Variants in ZFAND3 observed in about 807,000 individuals in gnomAD.
The protein encoded by ZFAND3 is zinc finger AN1-type containing 3, also known as AN1-type zinc finger protein 3.
ZFAND3 carries 10 observed loss-of-function variants against 29.6 expected under a neutral mutation model. The observed-to-expected ratio is 0.34, with a 90% CI of 0.21 to 0.57. ZFAND3 has a LOEUF of 0.57. Among genes scored for constraint, ZFAND3 ranks in the 20% least tolerant of loss-of-function variants. The pLI, the probability that ZFAND3 is intolerant of heterozygous loss-of-function variation, is 0.86. For missense variants in ZFAND3, 230 were observed against 304.5 expected (o/e 0.76, Z 1.82); for synonymous variants, 128 against 112.6 (o/e 1.14, Z -0.87).
At chr6:37,963,814 ATC>A (rs1396530403) in intron 2 of ZFAND3, among the ~76,000 whole-genome samples, 1 of 152,090 alleles carries the variant, frequency 6.6e-6, no homozygotes, top group African/African-American at 2.4e-5. Flanking sequence ...CCCTCTTAAG[ATC>A]TCTCTATTGG....
intron 2 of ZFAND3, among the ~76,000 whole-genome samples, chr6:37,972,388 A>G (rs1481987637): frequency 1.3e-5 from 2 of 150,844 alleles, no homozygotes. Context: ...ATAATGGATA[A>G]ATCTTCTGTT....
chr6:37,923,434 CATG>C (rs928728368), intron 1 of ZFAND3, among the ~76,000 whole-genome samples: 22 of 152,132 alleles, frequency 1.4e-4, no homozygotes, highest in Admixed American at 6.6e-5. Flanking sequence ...CTGTCATCTC[CATG>C]ATAACAATGC....
At chr6:37,834,409 A>G (rs1051943781) in intron 1 of ZFAND3, among the ~76,000 whole-genome samples, 5 of 152,180 alleles carry the variant, frequency 3.3e-5, no homozygotes, top group African/African-American at 1.2e-4. Context: ...ACTGGAAGAC[A>G]TCTTGATTGC....
chr6:38,026,379 A>C (rs575543884), intron 2 of ZFAND3, among the ~76,000 whole-genome samples: 2 of 146,926 alleles, frequency 1.4e-5, no homozygotes, highest in African/African-American at 5.0e-5. Flanking sequence ...TCTACATTAC[A>C]TTATGGATTC....
chr6:37,823,108 T>G (rs576979947), intron 1 of ZFAND3, among the ~76,000 whole-genome samples: 3 of 152,242 alleles, frequency 2.0e-5, no homozygotes, highest in Non-Finnish European at 2.9e-5. Flanking sequence ...CTTGGGTGTG[T>G]GGGTATGACT....
chr6:38,087,011 A>G (rs998609960), intron 4 of ZFAND3, among the ~76,000 whole-genome samples: 5 of 152,312 alleles, frequency 3.3e-5, no homozygotes, highest in Middle Eastern at 3.4e-3. Context: ...ATGGAATGGA[A>G]TAGAGAACCC....
chr6:37,875,241 T>C (rs1285537303), intron 1 of ZFAND3, among the ~76,000 whole-genome samples: 2 of 152,182 alleles, frequency 1.3e-5, no homozygotes, highest in East Asian at 3.9e-4. Flanking sequence ...GGAGATATTT[T>C]TGGGAGTGGA....
intron 1 of ZFAND3, among the ~76,000 whole-genome samples, chr6:37,854,624 A>G (rs983238780): frequency 2.3e-4 from 35 of 152,306 alleles, no homozygotes; most frequent in African/African-American, 7.7e-4. Context: ...TAAGAACTCT[A>G]TGAGACAGGT....
chr6:38,130,418 T>C (rs1302974795), intron 5 of ZFAND3, among the ~76,000 whole-genome samples: 4 of 152,228 alleles, frequency 2.6e-5, no homozygotes, highest in Non-Finnish European at 5.9e-5. Flanking sequence ...TTTCAACTTT[T>C]CCCCATTCAG....
intron 2 of ZFAND3, among the ~76,000 whole-genome samples, chr6:38,014,849 CTCT>C (rs1016784423): frequency 1.3e-5 from 2 of 152,200 alleles, no homozygotes; most frequent in African/African-American, 4.8e-5. Context: ...ACTTCTCTGT[CTCT>C]TCTTTTTGCC....
intron 1 of ZFAND3, among the ~76,000 whole-genome samples, chr6:37,835,182 A>G (rs935845670): frequency 6.6e-5 from 10 of 152,174 alleles, no homozygotes; most frequent in African/African-American, 2.4e-4. Flanking sequence ...TGTTGGAGAT[A>G]GAGTCTCACC....
At chr6:37,936,197 A>G (rs1475878572) in intron 2 of ZFAND3, among the ~76,000 whole-genome samples, 1 of 152,238 alleles carries the variant, frequency 6.6e-6, no homozygotes, top group East Asian at 1.9e-4. Flanking sequence ...AAAGAGGATG[A>G]TCACAAGTGG....
At chr6:38,122,236 C>T (rs1765548980) in intron 5 of ZFAND3, among the ~76,000 whole-genome samples, 1 of 152,166 alleles carries the variant, frequency 6.6e-6, no homozygotes, top group African/African-American at 2.4e-5. Context: ...TGTAGCATTG[C>T]ACATAACCTA....
At chr6:38,120,896 A>G (rs993913082) in intron 5 of ZFAND3, among the ~76,000 whole-genome samples, 2 of 152,248 alleles carry the variant, frequency 1.3e-5, no homozygotes, top group Admixed American at 6.5e-5. Context: ...ATCATCTCCA[A>G]GTGCCTCAGT....
chr6:37,879,549 G>A (rs919309956), intron 1 of ZFAND3, among the ~76,000 whole-genome samples: 2 of 152,088 alleles, frequency 1.3e-5, no homozygotes, highest in African/African-American at 4.8e-5. Flanking sequence ...CTGTGTACTA[G>A]AACCCAATTA....
chr6:38,073,421 A>G (rs1439969418), intron 3 of ZFAND3, among the ~76,000 whole-genome samples: 4 of 152,216 alleles, frequency 2.6e-5, no homozygotes, highest in African/African-American at 9.6e-5. Flanking sequence ...TGATGGTAAA[A>G]TGCAAATGAT....
intron 1 of ZFAND3, among the ~76,000 whole-genome samples, chr6:37,914,672 CTT>C (rs71542148): frequency 2.6e-5 from 3 of 114,208 alleles, no homozygotes; most frequent in Non-Finnish European, 1.8e-5. Context: ...CTTTTTTTTT[CTT>C]TTTTTTTTAG....
intron 1 of ZFAND3, among the ~76,000 whole-genome samples, chr6:37,858,075 C>T (rs1764417360): frequency 6.6e-6 from 1 of 152,116 alleles, no homozygotes; most frequent in Non-Finnish European, 1.5e-5. Context: ...TAGTGACCTG[C>T]CCTCTCTGTG....
intron 2 of ZFAND3, among the ~76,000 whole-genome samples, chr6:37,975,694 G>T (rs1762465853): frequency 6.6e-6 from 1 of 152,074 alleles, no homozygotes; most frequent in Non-Finnish European, 1.5e-5. Flanking sequence ...AAAGTCAGTT[G>T]TCCATATATG....
Sources: allele counts gnomAD v4.1 joint callset (sites outside exome capture counted in the v4.1 genomes callset), GRCh38; gene constraint gnomAD v4.1.1; transcripts MANE v1.5; gene names NCBI Gene and HGNC (gene_info 2026-07-23, HGNC 2026-07-21).